IL17B: variants seen among roughly 807,000 people sequenced by gnomAD.
The protein encoded by IL17B is interleukin-17B.
In IL17B, 14 loss-of-function variants were observed where a neutral mutation model predicts 14.7. The ratio of observed to expected loss-of-function variants is 0.95; its 90% CI spans 0.63 to 1.49. The LOEUF (loss-of-function observed/expected upper bound fraction) is 1.49, where lower values mean the gene tolerates loss of function less well. IL17B is among the 40% of genes most tolerant of loss of function. The probability of loss-of-function intolerance (pLI) is 0.00; values close to 1 mark genes in which losing one functional copy is unlikely to be tolerated. For synonymous variants in IL17B, 105 were observed against 94.8 expected, an observed-to-expected ratio of 1.11 and a Z score of -0.62; for missense variants, 233 against 252.8, an observed-to-expected ratio of 0.92 and a Z score of 0.53.
At chr5:149,403,286 G>T (rs1242986580) in intron 1 of IL17B, among the ~76,000 whole-genome samples, 2 of 151,774 alleles carry the variant, frequency 1.3e-5, no homozygotes, top group African/African-American at 4.8e-5. Context: ...GGGTTTCACC[G>T]TGTTGCCCAG....
exon 1 of IL17B, chr5:149,404,160 T>G (rs1249866852): frequency 6.6e-6 from 1 of 152,218 alleles, no homozygotes; most frequent in African/African-American, 2.4e-5. Flanking sequence ...ATTTCAAGGC[T>G]GCCTCTCCCA....
intron 1 of IL17B, among the ~76,000 whole-genome samples, chr5:149,386,942 G>A (rs1758837670): frequency 6.6e-6 from 1 of 152,200 alleles, no homozygotes; most frequent in Non-Finnish European, 1.5e-5. Context: ...CTGAACTCAA[G>A]TGATCTACCC....
upstream of IL17B, among the ~76,000 whole-genome samples, chr5:149,383,138 C>G (rs1184063276): frequency 6.6e-6 from 1 of 152,216 alleles, no homozygotes; most frequent in Non-Finnish European, 1.5e-5. Context: ...TAACTTGGCT[C>G]TCAGTGGATT....
chr5:149,378,485 C>T (rs1758603665), intron 1 of IL17B, among the ~76,000 whole-genome samples: 2 of 152,194 alleles, frequency 1.3e-5, no homozygotes, highest in African/African-American at 4.8e-5. Context: ...AGGCAGAGCT[C>T]CCAGGATGGA....
At chr5:149,396,755 C>T (rs920433044) in intron 1 of IL17B, among the ~76,000 whole-genome samples, 4 of 151,950 alleles carry the variant, frequency 2.6e-5, no homozygotes, top group Non-Finnish European at 5.9e-5. Flanking sequence ...AGAGTGAAAC[C>T]CTGACTCAAA....
chr5:149,390,880 T>C (rs1373164532), intron 1 of IL17B, among the ~76,000 whole-genome samples: 1 of 152,120 alleles, frequency 6.6e-6, no homozygotes, highest in African/African-American at 2.4e-5. Flanking sequence ...AAAATTTTTT[T>C]AATAAACTGT....
intron 1 of IL17B, among the ~76,000 whole-genome samples, chr5:149,402,996 C>A (rs1199510888): frequency 1.9e-5 from 2 of 107,382 alleles, no homozygotes; most frequent in African/African-American, 8.2e-5. Context: ...CAGTGAGACT[C>A]CATCTCAAAA....
At chr5:149,379,707 C>A (rs1282504388), upstream of IL17B, among the ~76,000 whole-genome samples, 1 of 152,152 alleles carries the variant, frequency 6.6e-6, no homozygotes, top group Non-Finnish European at 1.5e-5. Flanking sequence ...GCCCCATCTC[C>A]CAGGGAAACA....
chr5:149,378,760 C>G (rs1758611439), intron 1 of IL17B, among the ~76,000 whole-genome samples: 1 of 152,230 alleles, frequency 6.6e-6, no homozygotes. Flanking sequence ...AATAGGCTCT[C>G]TCTTTAGAGT....
chr5:149,385,851 TC>T (rs1181093025), intron 1 of IL17B, among the ~76,000 whole-genome samples: 1 of 152,128 alleles, frequency 6.6e-6, no homozygotes, highest in East Asian at 1.9e-4. Flanking sequence ...ACAAAAAAAG[TC>T]CTCTTCAGCC....
At chr5:149,380,910 A>G (rs1357027935), upstream of IL17B, among the ~76,000 whole-genome samples, 3 of 152,220 alleles carry the variant, frequency 2.0e-5, no homozygotes, top group African/African-American at 4.8e-5. Flanking sequence ...ACAGGGCTCT[A>G]TTCTACCGTT....
chr5:149,393,016 TGCGTGTGTGTGG>T (rs1176447406), intron 1 of IL17B, among the ~76,000 whole-genome samples: 16 of 151,274 alleles, frequency 1.1e-4, no homozygotes, highest in Admixed American at 5.3e-4. Flanking sequence ...TGTGCATGTC[TGCGTGTGTGTGG>T]GCGTGTGTGT....
At chr5:149,403,889 CA>C (rs1302925144) in intron 1 of IL17B, among the ~76,000 whole-genome samples, 1 of 152,138 alleles carries the variant, frequency 6.6e-6, no homozygotes, top group Non-Finnish European at 1.5e-5. Flanking sequence ...CTAAAGGTTC[CA>C]ACTGTACCAA....
At chr5:149,394,042 G>T (rs968661109) in intron 1 of IL17B, among the ~76,000 whole-genome samples, 2 of 152,100 alleles carry the variant, frequency 1.3e-5, no homozygotes, top group Non-Finnish European at 2.9e-5. Flanking sequence ...GATTTAAAGG[G>T]AGTTTAATTG....
chr5:149,383,483 C>T (rs186076201), upstream of IL17B, among the ~76,000 whole-genome samples: 45 of 152,324 alleles, frequency 3.0e-4, no homozygotes, highest in Non-Finnish European at 4.7e-4. Flanking sequence ...GGCTAGTCGG[C>T]GCCTTTGCTG....
intron 1 of IL17B, among the ~76,000 whole-genome samples, chr5:149,396,731 C>T (rs1209856015): frequency 6.6e-6 from 1 of 152,090 alleles, no homozygotes; most frequent in Admixed American, 6.6e-5. Context: ...CCATTGCACT[C>T]CAACCTGGGC....
intron 1 of IL17B, among the ~76,000 whole-genome samples, chr5:149,403,066 CTGTTTTGTTT>C (rs113008877): frequency 0.059 from 8,397 of 141,984 alleles, 606 homozygotes; most frequent in African/African-American, 0.17. Context: ...TTGTTTTGTT[CTGTTTTGTTT>C]TGTTTTGTTT....
chr5:149,377,296 C>T (rs1257080438), intron 1 of IL17B, among the ~76,000 whole-genome samples: 1 of 152,214 alleles, frequency 6.6e-6, no homozygotes, highest in Non-Finnish European at 1.5e-5. Context: ...CATTCTGCCT[C>T]TTCACCTCCT....
rs1208275981 is a variant in IL17B at position 149,374,756 on chromosome 5, C to G, written c.312-156G>C. ...AAAGGCAGTAATCAACTCCATGTTC[C>G]ACGTGAGGAAACTGAAGATCATGGA... On this transcript the variant is annotated intron_variant, in intron 2 of 2. Transcript: ENST00000261796. This position sits in a 1 kb window ranked among gnomAD's most constrained non-coding sequence, Gnocchi z 5.0. The G allele has an allele frequency of 1.7e-6, 1 of 598,432 alleles. No individual in the cohort carries two copies. The highest frequency in any genetic ancestry group is 2.9e-6 in the Non-Finnish European group (1 of 345,808). 37.1% of individuals were successfully genotyped at this position (598,432 alleles called of 1,614,324 possible).
Sources: allele counts gnomAD v4.1 joint callset (sites outside exome capture counted in the v4.1 genomes callset), GRCh38; gene constraint gnomAD v4.1.1; non-coding constraint Gnocchi (gnomAD v3.1); transcripts MANE v1.5; gene names NCBI Gene and HGNC (gene_info 2026-07-23, HGNC 2026-07-21).